The following CMIP variants were observed in gnomAD, a reference collection of about 807,000 sequenced individuals.
The protein encoded by CMIP is c-Maf inducing protein, also known as C-Maf-inducing protein.
Under a neutral mutation model 97.3 loss-of-function variants are expected in CMIP, and 13 were observed. The ratio of observed to expected loss-of-function variants is 0.13; its 90% CI spans 0.09 to 0.21. The LOEUF is 0.21. Ranked by LOEUF, CMIP falls within the 10% of genes least tolerant of loss-of-function variation. The probability of loss-of-function intolerance (pLI) is 1.00; values close to 1 mark genes in which losing one functional copy is unlikely to be tolerated. For missense variants in CMIP, 847 were observed against 1,024.9 expected (o/e 0.83, Z 2.37); for synonymous variants, 538 against 436.3 (o/e 1.23, Z -2.91).
At chr16:81,596,988 A>G (rs1310309609) in intron 1 of CMIP, among the ~76,000 whole-genome samples, 1 of 152,198 alleles carries the variant, frequency 6.6e-6, no homozygotes, top group Non-Finnish European at 1.5e-5. Flanking sequence ...ATAGTTGTAG[A>G]CCATACATTC....
intron 1 of CMIP, among the ~76,000 whole-genome samples, chr16:81,471,791 G>T (rs9928937): frequency 0.4 from 61,227 of 152,040 alleles, 12,765 homozygotes; most frequent in East Asian, 0.73. Flanking sequence ...GTGGAATTGA[G>T]TACAGAGAGG....
rs780087852 is a variant in CMIP, at chr16:81,678,596, G to A, written c.1356G>A (p.Thr452=). 8.1e-6 allele frequency: 13 copies of A among 1,596,220 alleles called. No homozygotes were observed. The highest frequency in any genetic ancestry group is 2.7e-5 in the African/African-American group (2 of 74,678). ...AGCTGGGCCCCCAGGCCGACCGCAC[G>A]CTCGGCTGCTACGTGGAAATCCTCA... The part of the protein sequence containing the change: ...SIELGPQADR[T]LGCYVEILKL... The change falls in exon 10 of 21, where the codon ACG becomes ACA. Residue 452 remains threonine, a synonymous_variant. Coordinates refer to ENST00000537098, the MANE Select transcript of CMIP (RefSeq NM_198390.3).
chr16:81,574,447 G>A (rs115031879), intron 1 of CMIP, among the ~76,000 whole-genome samples: 138 of 152,386 alleles, frequency 9.1e-4, no homozygotes, highest in African/African-American at 3.2e-3. Flanking sequence ...CGAAGCCCGA[G>A]TTCTCAGCTG....
In CMIP at chr16:81,701,692, C is replaced by G. The variant is rs778182449; in HGVS notation, c.1788C>G (p.Ile596Met). The G allele has an allele frequency of 6.2e-7, 1 of 1,613,852 alleles. No individual in the cohort carries two copies. Among genetic ancestry groups the G allele is most frequent in the Non-Finnish European group, 8.5e-7 (1 of 1,179,886 alleles). Residue 596 changes from isoleucine (I) to methionine (M), a missense_variant, in exon 16 of 21, where the codon ATC becomes ATG. Around this residue, in one of 4 missense-constraint regions of CMIP, gnomAD observed 266 missense variants for 384.2 expected, o/e 0.69. Coordinates refer to ENST00000537098, the MANE Select transcript of CMIP (RefSeq NM_198390.3). ...ILCLMLEYNI[I>M]DNNDTQLQII... Reference sequence around the variant, plus strand: ...GCTTGATGCTGGAATACAACATCATCGACAACAACGACACCCAACTGCAGA... The same window carrying G: ...GCTTGATGCTGGAATACAACATCATGGACAACAACGACACCCAACTGCAGA...
chr16:81,595,066 A>T (rs2091531826), intron 1 of CMIP, among the ~76,000 whole-genome samples: 1 of 143,254 alleles, frequency 7.0e-6, no homozygotes, highest in Admixed American at 6.7e-5. Flanking sequence ...CTCTCTCAAG[A>T]CAGCTTAATA....
intron 10 of CMIP, among the ~76,000 whole-genome samples, chr16:81,683,239 C>G (rs1395430485): frequency 6.6e-6 from 1 of 152,188 alleles, no homozygotes; most frequent in Non-Finnish European, 1.5e-5. Context: ...GAAGCCGTGG[C>G]CCACTGGGGC....
At chr16:81,706,202 C>T (rs561272471) in intron 19 of CMIP, among the ~76,000 whole-genome samples, 37 of 152,362 alleles carry the variant, frequency 2.4e-4, no homozygotes, top group African/African-American at 8.7e-4. Flanking sequence ...GACCAGCTTT[C>T]CCTTTTCCAG....
At chr16:81,563,058 G>C (rs1048904789) in intron 1 of CMIP, among the ~76,000 whole-genome samples, 1 of 152,226 alleles carries the variant, frequency 6.6e-6, no homozygotes, top group African/African-American at 2.4e-5. Flanking sequence ...GCCCTGGCAA[G>C]GCGCTGACCC....
At chr16:81,562,082 G>C (rs1380561986) in intron 1 of CMIP, among the ~76,000 whole-genome samples, 3 of 152,204 alleles carry the variant, frequency 2.0e-5, no homozygotes, top group Non-Finnish European at 4.4e-5. Context: ...AAATGTGCAA[G>C]GAAGGGAAGT....
intron 14 of CMIP, chr16:81,697,533 G>C (rs997499143): frequency 2.0e-5 from 3 of 152,282 alleles, no homozygotes; most frequent in Admixed American, 1.3e-4. Context: ...GAGCTAGCTT[G>C]TTGACCTTGG....
chr16:81,562,322 G>A (rs990188160), intron 1 of CMIP, among the ~76,000 whole-genome samples: 6 of 152,214 alleles, frequency 3.9e-5, no homozygotes, highest in African/African-American at 1.2e-4. Context: ...GGTCCAAGGA[G>A]CCAGGATTCA....
chr16:81,596,853 C>T (rs563102904), intron 1 of CMIP, among the ~76,000 whole-genome samples: 2 of 152,336 alleles, frequency 1.3e-5, no homozygotes, highest in South Asian at 4.1e-4. Flanking sequence ...ACAGCACAGA[C>T]TCAGGTGCAC....
intron 10 of CMIP, among the ~76,000 whole-genome samples, chr16:81,685,843 C>T (rs1056128193): frequency 3.3e-5 from 5 of 152,056 alleles, no homozygotes; most frequent in African/African-American, 1.2e-4. Context: ...GGATTACAGG[C>T]GTGAGCCACC....
chr16:81,705,892 T>G (rs1277772810), intron 19 of CMIP, among the ~76,000 whole-genome samples: 1 of 151,892 alleles, frequency 6.6e-6, no homozygotes. Context: ...CACTGAGGGG[T>G]CGAGTTCAAG....
chr16:81,703,633 G>T (rs548358755), intron 17 of CMIP, among the ~76,000 whole-genome samples: 2 of 151,502 alleles, frequency 1.3e-5, no homozygotes, highest in African/African-American at 2.4e-5. Flanking sequence ...ACACACAGAC[G>T]CCTGTGGGAG....
chr16:81,700,245 G>A (rs928191657), intron 15 of CMIP, among the ~76,000 whole-genome samples: 5 of 151,966 alleles, frequency 3.3e-5, no homozygotes, highest in Admixed American at 1.3e-4. Flanking sequence ...GGGCTTTGGC[G>A]GCTGGGGCTC....
intron 1 of CMIP, among the ~76,000 whole-genome samples, chr16:81,481,297 T>C (rs1470579649): frequency 6.6e-6 from 1 of 152,162 alleles, no homozygotes; most frequent in Non-Finnish European, 1.5e-5. Context: ...CCGGGCCCTG[T>C]CTCTGCATGA....
Position 81,588,003 on chromosome 16 carries a change from C to G in CMIP, c.301-19564C>G, listed in dbSNP as rs894669475. Among the ~76,000 whole-genome samples the G allele has an allele frequency of 2.0e-5, 3 of 152,198 alleles. No homozygotes were observed. In the South Asian group the frequency reaches 6.2e-4, roughly 31 times the overall value. On this transcript the variant is annotated intron_variant, in intron 1 of 20. Transcript: ENST00000537098. ...TCAGGGATTTCCCACTTGAAACACA[C>G]CGTCTAAGGCTGCCGGCTCTTGCTT...
chr16:81,460,083 G>C (rs1906812545), intron 1 of CMIP, among the ~76,000 whole-genome samples: 1 of 149,744 alleles, frequency 6.7e-6, no homozygotes, highest in South Asian at 2.1e-4. Context: ...GGCTCTGAGA[G>C]GTGAGGTTTG....
Sources: allele counts gnomAD v4.1 joint callset (sites outside exome capture counted in the v4.1 genomes callset), GRCh38; gene constraint gnomAD v4.1.1; regional missense constraint gnomAD v4.1.1; transcripts MANE v1.5; gene names NCBI Gene and HGNC (gene_info 2026-07-23, HGNC 2026-07-21).